Variants in ADAM2 observed in about 807,000 individuals in gnomAD.
ADAM2 encodes the protein ADAM metallopeptidase domain 2, also known as disintegrin and metalloproteinase domain-containing protein 2.
Under a neutral mutation model 99.3 loss-of-function variants are expected in ADAM2, and 101 were observed. The ratio of observed to expected loss-of-function variants is 1.02; its 90% CI spans 0.87 to 1.20. The LOEUF is 1.20. ADAM2 is among the 50% of genes most tolerant of loss of function. ADAM2 has a pLI of 0.00. For synonymous variants in ADAM2, 323 were observed against 287.6 expected (o/e 1.12, Z -1.25); for missense variants, 948 against 878.7 (o/e 1.08, Z -1.00).
At chr8:39,766,212 A>G (rs1039905394) in intron 14 of ADAM2, among the ~76,000 whole-genome samples, 3 of 152,156 alleles carry the variant, frequency 2.0e-5, no homozygotes, top group African/African-American at 7.2e-5. Flanking sequence ...TTTAATGTCT[A>G]TAGTCATATT....
intron 2 of ADAM2, among the ~76,000 whole-genome samples, chr8:39,834,611 G>A (rs1198897705): frequency 6.6e-6 from 1 of 151,676 alleles, no homozygotes; most frequent in Non-Finnish European, 1.5e-5. Flanking sequence ...GCGGTTGCCT[G>A]TAATCCCAGA....
chr8:39,768,406 T>G (rs897433267), intron 12 of ADAM2, among the ~76,000 whole-genome samples: 1 of 152,142 alleles, frequency 6.6e-6, no homozygotes, highest in Non-Finnish European at 1.5e-5. Context: ...CCATTCACTA[T>G]GAGTTTCAAT....
At chr8:39,749,582 TGTGC>T (rs1206421995) in intron 17 of ADAM2, 81 bp downstream of exon 17, 44 of 1,059,662 alleles carry the variant, frequency 4.2e-5, no homozygotes, top group South Asian at 6.3e-5. Context: ...TGTGTGTGTG[TGTGC>T]GTGTGTGTGT....
intron 2 of ADAM2, among the ~76,000 whole-genome samples, chr8:39,834,318 TG>T (rs957465737): frequency 6.6e-6 from 1 of 152,182 alleles, no homozygotes; most frequent in Non-Finnish European, 1.5e-5. Flanking sequence ...TTTCTATATA[TG>T]GGATCATGTC....
At chr8:39,751,227 G>A (rs543193286) in intron 16 of ADAM2, among the ~76,000 whole-genome samples, 1 of 152,232 alleles carries the variant, frequency 6.6e-6, no homozygotes, top group African/African-American at 2.4e-5. Context: ...TCTGGATACT[G>A]GATACAGATT....
chr8:39,745,933 C>A (rs1224986550), intron 19 of ADAM2, among the ~76,000 whole-genome samples: 1 of 151,778 alleles, frequency 6.6e-6, no homozygotes, highest in African/African-American at 2.4e-5. Context: ...CTAAAAAGTC[C>A]AGATTCTTAT....
chr8:39,830,100 A>C (rs1805557455), intron 3 of ADAM2, among the ~76,000 whole-genome samples: 1 of 152,150 alleles, frequency 6.6e-6, no homozygotes, highest in Non-Finnish European at 1.5e-5. Context: ...TCACTTCACG[A>C]CACTTATTTA....
chr8:39,838,130 C>A lies in ADAM2; in HGVS notation c.55+1G>T. ...GCCAGAGGAGGGGTTTTTCTGCTTA[C>A]TACTGTCCATCCGCAGCCCGCCGAG... On this transcript the variant is annotated splice_donor_variant, in intron 1 of 20. Transcript: ENST00000265708. LOFTEE classifies it high-confidence loss of function. The A allele has an allele frequency of 6.2e-7, 1 of 1,614,132 alleles. No individual in the cohort carries two copies. The highest frequency in any genetic ancestry group is 8.5e-7 in the Non-Finnish European group (1 of 1,180,024).
At chr8:39,796,903 G>A (rs1323639392) in intron 7 of ADAM2, among the ~76,000 whole-genome samples, 1 of 151,560 alleles carries the variant, frequency 6.6e-6, no homozygotes, top group Non-Finnish European at 1.5e-5. Context: ...TTTTTTTCTT[G>A]TAAATATGTT....
rs759462015 is a variant in ADAM2 at position 39,744,864 on chromosome 8, C to T, written c.2204G>A (p.Gly735Glu). The T allele has an allele frequency of 2.5e-6, 4 of 1,602,050 alleles. No homozygotes were observed. Among genetic ancestry groups the T allele is most frequent in the Non-Finnish European group, 3.4e-6 (4 of 1,174,646 alleles). Residue 735 changes from glycine to glutamate, a missense_variant, in exon 20 of 21, where the codon GGG (glycine) becomes GAG (glutamate). Coordinates refer to ENST00000265708, the MANE Select transcript of ADAM2 (RefSeq NM_001464.5). ...ATGGCATCTCTGTTGTCCAGACTAC[C>T]CTTTAGGTTCACTCTCACTTTCAGG... ...EQPESESEPK[G>E]
At chr8:39,833,832 T>A (rs1162208251) in intron 3 of ADAM2, 112 bp downstream of exon 3, 1 of 697,958 alleles carries the variant, frequency 1.4e-6, no homozygotes, top group Admixed American at 2.5e-5. Flanking sequence ...GATGAATGAA[T>A]GGCAAGAAGC....
intron 16 of ADAM2, 72 bp from the exon 17 acceptor site, chr8:39,749,816 T>C: frequency 9.0e-7 from 1 of 1,109,434 alleles, no homozygotes; most frequent in Non-Finnish European, 1.4e-6. Flanking sequence ...AAGCATTCCA[T>C]ACCATACCAT....
At chr8:39,758,851 TAATG>T (rs1346448719) in intron 15 of ADAM2, among the ~76,000 whole-genome samples, 1 of 151,972 alleles carries the variant, frequency 6.6e-6, no homozygotes, top group Non-Finnish European at 1.5e-5. Flanking sequence ...AGTATCAAAA[TAATG>T]ATAGTAATGT....
Position 39,783,893 on chromosome 8 carries a change from C to T in ADAM2, c.891+3081G>A, listed in dbSNP as rs769477241. Among the ~76,000 whole-genome samples, 3 of 151,538 alleles carry T rather than the reference C, an allele frequency of 2.0e-5. No individual in the cohort carries two copies. In the South Asian group the frequency reaches 6.3e-4, roughly 32 times the overall value. On this transcript the variant is annotated intron_variant, in intron 10 of 20. Coordinates refer to ENST00000265708, the MANE Select transcript of ADAM2 (RefSeq NM_001464.5). ...CTTGAACCTGGGAGGCGGGGTGAGT[C>T]AAGATCGCGCCACCCCATTCCAGCC... is the stretch of plus-strand genomic sequence containing the variant.
intron 6 of ADAM2, among the ~76,000 whole-genome samples, chr8:39,812,428 T>C (rs930705775): frequency 1.3e-5 from 2 of 152,168 alleles, no homozygotes; most frequent in African/African-American, 4.8e-5. Flanking sequence ...AAAACTACTT[T>C]AAAGTTCATA....
chr8:39,791,563 TGCC>T (rs1019361835), intron 7 of ADAM2, among the ~76,000 whole-genome samples: 3 of 152,060 alleles, frequency 2.0e-5, no homozygotes, highest in Non-Finnish European at 4.4e-5. Flanking sequence ...TAGACTTCTC[TGCC>T]TTCCTCACCA....
intron 16 of ADAM2, among the ~76,000 whole-genome samples, chr8:39,754,710 A>T (rs917323922): frequency 6.6e-6 from 1 of 152,330 alleles, no homozygotes; most frequent in Non-Finnish European, 1.5e-5. Flanking sequence ...TTTCTTCAAT[A>T]AGGGGCTTAC....
intron 14 of ADAM2, among the ~76,000 whole-genome samples, chr8:39,764,444 T>C (rs1802484594): frequency 6.6e-6 from 1 of 152,130 alleles, no homozygotes; most frequent in African/African-American, 2.4e-5. Context: ...TCCTGTTTTA[T>C]TGCAGTAAAA....
chr8:39,820,952 T>A, intron 6 of ADAM2, 50 bp downstream of exon 6: 1 of 1,198,580 alleles, frequency 8.3e-7, no homozygotes. Context: ...TTTCAGTGCT[T>A]ACATTGCTGT....
Sources: gnomAD v4.1 joint callset for allele counts (sites outside exome capture counted in the v4.1 genomes callset) on GRCh38, gnomAD v4.1.1 for gene constraint, MANE v1.5 for transcripts, NCBI Gene and HGNC (gene_info 2026-07-23, HGNC 2026-07-21) for gene names.